Variants in MAP3K7CL observed in about 807,000 individuals in gnomAD.
MAP3K7CL encodes the protein MAP3K7 C-terminal like.
MAP3K7CL carries 16 observed loss-of-function variants against 18.6 expected under a neutral mutation model. The ratio of observed to expected loss-of-function variants is 0.86; its 90% CI spans 0.58 to 1.31. The LOEUF (loss-of-function observed/expected upper bound fraction) is 1.31, where lower values mean the gene tolerates loss of function less well. MAP3K7CL is among the 50% of genes most tolerant of loss of function. The probability of loss-of-function intolerance (pLI) is 0.00; values close to 1 mark genes in which losing one functional copy is unlikely to be tolerated. For missense variants in MAP3K7CL, 163 were observed against 174.4 expected (o/e 0.93, Z 0.37); for synonymous variants, 65 against 66.8 (o/e 0.97, Z 0.13).
At chr21:29,135,059 AAC>A (rs202141329) in intron 2 of MAP3K7CL, among the ~76,000 whole-genome samples, 19,290 of 140,162 alleles carry the variant, frequency 0.14, 1,267 homozygotes, top group East Asian at 0.34. Flanking sequence ...TCAAAAAAAA[AAC>A]AAAAAAAACA....
chr21:29,079,354 C>T (rs1380996623), intron 1 of MAP3K7CL, among the ~76,000 whole-genome samples: 1 of 152,216 alleles, frequency 6.6e-6, no homozygotes, highest in African/African-American at 2.4e-5. Context: ...CCACAAAGGG[C>T]ATGCAGGCAA....
intron 4 of MAP3K7CL, among the ~76,000 whole-genome samples, chr21:29,098,518 A>G (rs745318285): frequency 6.6e-6 from 1 of 152,240 alleles, no homozygotes; most frequent in Non-Finnish European, 1.5e-5. Context: ...AAAGAAGGAC[A>G]CAATATTTTC....
upstream of MAP3K7CL, among the ~76,000 whole-genome samples, chr21:29,081,883 T>C (rs9978281): frequency 0.86 from 130,709 of 152,200 alleles, 56,450 homozygotes; most frequent in African/African-American, 0.94. Flanking sequence ...GCAGCTTTTA[T>C]TGATCTTTAC....
intron 4 of MAP3K7CL, among the ~76,000 whole-genome samples, chr21:29,117,968 G>A (rs1218661251): frequency 1.3e-5 from 2 of 151,918 alleles, no homozygotes; most frequent in Non-Finnish European, 2.9e-5. Context: ...AATCTTTACA[G>A]AATTAAAACC....
At chr21:29,127,842 TTGG>T (rs1297635877), upstream of MAP3K7CL, 1 of 152,210 alleles carries the variant, frequency 6.6e-6, no homozygotes, top group East Asian at 1.9e-4. Flanking sequence ...CTATGCTGTG[TTGG>T]TGAGGAGCTG....
At chr21:29,163,661 C>T (rs2087608869) in intron 4 of MAP3K7CL, among the ~76,000 whole-genome samples, 1 of 151,768 alleles carries the variant, frequency 6.6e-6, no homozygotes, top group African/African-American at 2.4e-5. Flanking sequence ...CCTGTTCACA[C>T]CAAGCTCTTG....
At chr21:29,118,837 A>G (rs561658760) in intron 4 of MAP3K7CL, among the ~76,000 whole-genome samples, 21 of 152,316 alleles carry the variant, frequency 1.4e-4, no homozygotes, top group Admixed American at 1.4e-3. Flanking sequence ...AAACATTTTA[A>G]TTTTTCTTTA....
chr21:29,157,810 G>T (rs62222424), intron 3 of MAP3K7CL, among the ~76,000 whole-genome samples: 1 of 152,018 alleles, frequency 6.6e-6, no homozygotes, highest in Admixed American at 6.5e-5. Flanking sequence ...GGCAGGGAAG[G>T]CCTCTCCCTT....
intron 4 of MAP3K7CL, among the ~76,000 whole-genome samples, chr21:29,115,005 G>T (rs1414108879): frequency 6.6e-6 from 1 of 152,204 alleles, no homozygotes; most frequent in African/African-American, 2.4e-5. Context: ...TTTAGTATTT[G>T]ATCCTCAGCT....
At chr21:29,086,288 G>A (rs2085924434) in intron 1 of MAP3K7CL, among the ~76,000 whole-genome samples, 2 of 152,206 alleles carry the variant, frequency 1.3e-5, no homozygotes, top group Non-Finnish European at 1.5e-5. Flanking sequence ...GAAAGAGCAG[G>A]CACAGATGAT....
intron 4 of MAP3K7CL, among the ~76,000 whole-genome samples, chr21:29,100,886 G>T (rs183462245): frequency 2.8e-4 from 42 of 151,662 alleles, no homozygotes; most frequent in African/African-American, 9.9e-4. Context: ...CTAATTTTTT[G>T]TATTTTTAGT....
At chr21:29,080,798 G>A (rs2085823418) in intron 1 of MAP3K7CL, 4 of 151,724 alleles carry the variant, frequency 2.6e-5, no homozygotes, top group Admixed American at 2.6e-4. Flanking sequence ...TGAAGGATCT[G>A]ATTCCTGTAT....
intron 4 of MAP3K7CL, among the ~76,000 whole-genome samples, chr21:29,111,439 T>G (rs569471574): frequency 1.3e-5 from 2 of 152,176 alleles, no homozygotes; most frequent in African/African-American, 4.8e-5. Context: ...GGTGAGGAGC[T>G]CTATTCCCTA....
At chr21:29,096,437 A>G (rs1014476629) in intron 4 of MAP3K7CL, among the ~76,000 whole-genome samples, 1 of 152,196 alleles carries the variant, frequency 6.6e-6, no homozygotes, top group African/African-American at 2.4e-5. Flanking sequence ...AAAGTGCACA[A>G]AGAGTTTATA....
At chr21:29,110,981 G>C (rs1005836471) in intron 4 of MAP3K7CL, among the ~76,000 whole-genome samples, 1 of 152,146 alleles carries the variant, frequency 6.6e-6, no homozygotes, top group Non-Finnish European at 1.5e-5. Flanking sequence ...TGGGGGCTGG[G>C]CGCAGTGGCT....
chr21:29,163,871 A>ATTT (rs1279989635), intron 4 of MAP3K7CL, among the ~76,000 whole-genome samples: 1 of 151,790 alleles, frequency 6.6e-6, no homozygotes, highest in Non-Finnish European at 1.5e-5. Flanking sequence ...AATTAAAAAA[A>ATTT]TTTTTTTAAA....
At chr21:29,162,730 C>G (rs1164356026) in intron 4 of MAP3K7CL, among the ~76,000 whole-genome samples, 1 of 151,354 alleles carries the variant, frequency 6.6e-6, no homozygotes, top group Non-Finnish European at 1.5e-5. Flanking sequence ...ATGAGAGTGA[C>G]TCCTATCTAA....
chr21:29,126,180 G>A (rs2832199), upstream of MAP3K7CL, among the ~76,000 whole-genome samples: 73,583 of 151,714 alleles, frequency 0.49, 18,081 homozygotes, highest in East Asian at 0.67. Flanking sequence ...TGGATGTTCA[G>A]TCAGGATAAG....
intron 3 of MAP3K7CL, among the ~76,000 whole-genome samples, chr21:29,153,018 C>T (rs893041951): frequency 1.3e-5 from 2 of 152,152 alleles, no homozygotes; most frequent in Non-Finnish European, 2.9e-5. Context: ...TTGGTAGACA[C>T]TCAATCACTA....
Sources: allele counts gnomAD v4.1 joint callset (sites outside exome capture counted in the v4.1 genomes callset), GRCh38; gene constraint gnomAD v4.1.1; transcripts MANE v1.5; gene names NCBI Gene and HGNC (gene_info 2026-07-23, HGNC 2026-07-21).